CDKN1A: variants seen among roughly 807,000 people sequenced by gnomAD.
The protein encoded by CDKN1A is cyclin dependent kinase inhibitor 1A.
In CDKN1A, 14 loss-of-function variants were observed where a neutral mutation model predicts 14.8. The ratio of observed to expected loss-of-function variants is 0.94; its 90% CI spans 0.62 to 1.48. The LOEUF (loss-of-function observed/expected upper bound fraction) is 1.48, where lower values mean the gene tolerates loss of function less well. CDKN1A is among the 40% of genes most tolerant of loss of function. The probability of loss-of-function intolerance (pLI) is 0.00; values close to 1 mark genes in which losing one functional copy is unlikely to be tolerated. For synonymous variants in CDKN1A, 92 were observed against 93.5 expected, an observed-to-expected ratio of 0.98 and a Z score of 0.09; for missense variants, 203 against 231.7, an observed-to-expected ratio of 0.88 and a Z score of 0.80.
rs1443162665 is a variant in CDKN1A at position 36,684,170 on chromosome 6, C to T, written c.69C>T (p.Gly23=). Residue 23 remains glycine (G), a synonymous_variant, in exon 2 of 3, where the codon GGC becomes GGT. Transcript: ENST00000244741. This position sits in a 1 kb window ranked among gnomAD's most constrained non-coding sequence, Gnocchi z 6.0. ...GCAAGGCCTGCCGCCGCCTCTTCGG[C>T]CCAGTGGACAGCGAGCAGCTGAGCC... The part of the protein sequence containing the change: ...CGSKACRRLF[G]PVDSEQLSRD... 6.2e-7 allele frequency: 1 copy of T among 1,612,272 alleles called. No homozygotes were observed. The highest frequency in any genetic ancestry group is 8.5e-7 in the Non-Finnish European group (1 of 1,180,022).
Position 36,678,976 on chromosome 6 carries a change from G to T in CDKN1A, c.-6+178G>T. Reference sequence around the variant, plus strand: ...GCGTGGGTCGGTGCGCGCTCGGCTTGCGCACACGGTGTCTCTAAGTGCGCG... The same window carrying T: ...GCGTGGGTCGGTGCGCGCTCGGCTTTCGCACACGGTGTCTCTAAGTGCGCG... On this transcript the variant is annotated intron_variant, in intron 1 of 2. Coordinates refer to ENST00000244741, the MANE Select transcript of CDKN1A (RefSeq NM_000389.5). This position sits in a 1 kb window ranked among gnomAD's most constrained non-coding sequence, Gnocchi z 5.7. 2 of 980,638 alleles carry T rather than the reference G, an allele frequency of 2.0e-6. No homozygotes were observed. The highest frequency in any genetic ancestry group is 2.4e-6 in the Non-Finnish European group (2 of 828,088). 60.7% of individuals were successfully genotyped at this position (980,638 alleles called of 1,614,324 possible). A position where few individuals can be genotyped will look rare whatever the true frequency, so the allele number is the denominator to read the frequency against.
rs2089523108 is a variant in CDKN1A at position 36,680,042 on chromosome 6, G to T, written c.-6+1244G>T. On this transcript the variant is annotated intron_variant, in intron 1 of 2. Coordinates refer to ENST00000244741, the MANE Select transcript of CDKN1A (RefSeq NM_000389.5). ...GCGCGGACCACAGCGCGTCCTCTCC[G>T]TCCCAAACCCCTGGGGGACACTTGC... Among the ~76,000 whole-genome samples, 4 of 152,280 alleles carry T rather than the reference G, an allele frequency of 2.6e-5. 1 individual carries two copies. The South Asian group carries it at 8.3e-4, about 32-fold the overall frequency.
At chr6:36,681,328 CTTTCTT>C (rs1277359196) in intron 1 of CDKN1A, among the ~76,000 whole-genome samples, 21 of 100,976 alleles carry the variant, frequency 2.1e-4, no homozygotes, top group African/African-American at 5.9e-4. Context: ...TTCTTTCTTT[CTTTCTT>C]TTTCTTTCTT....
chr6:36,677,340 T>G (rs1761727926), upstream of CDKN1A, among the ~76,000 whole-genome samples: 1 of 152,162 alleles, frequency 6.6e-6, no homozygotes, highest in Non-Finnish European at 1.5e-5. Context: ...GGAAGAAGAC[T>G]GGGCATGTCT....
intron 1 of CDKN1A, among the ~76,000 whole-genome samples, chr6:36,681,363 T>TC (rs1393390506): frequency 2.0e-4 from 11 of 53,790 alleles, no homozygotes; most frequent in South Asian, 1.3e-3. Flanking sequence ...TTTCTTTCTT[T>TC]TCTTTCTTTC....
chr6:36,681,758 ATTT>A (rs559197520), intron 1 of CDKN1A, among the ~76,000 whole-genome samples: 1 of 149,872 alleles, frequency 6.7e-6, no homozygotes, highest in African/African-American at 2.5e-5. Flanking sequence ...TGCCCGGCTA[ATTT>A]TTTTTTGTAT....
intron 1 of CDKN1A, among the ~76,000 whole-genome samples, chr6:36,681,304 C>CTTTTTTTCTTTT (rs1348578356): frequency 1.6e-5 from 2 of 122,726 alleles, no homozygotes; most frequent in Non-Finnish European, 3.5e-5. Context: ...TTCTTTCTTT[C>CTTTTTTTCTTTT]TTTCTTTCTT....
chr6:36,683,630 G>A (rs1031858877), intron 1 of CDKN1A, among the ~76,000 whole-genome samples: 10 of 152,188 alleles, frequency 6.6e-5, no homozygotes, highest in Admixed American at 4.6e-4. Flanking sequence ...TGGGTCGGGG[G>A]ACTTAGGAGG....
In CDKN1A at chr6:36,684,468, T is replaced by A. The variant is rs373136985; in HGVS notation, c.367T>A (p.Ser123Thr). Residue 123 changes from serine (S) to threonine (T), a missense_variant, in exon 2 of 3, where the codon TCA becomes ACA. Ser to Thr is a moderately conservative substitution (Grantham distance 58, BLOSUM62 1). Coordinates refer to ENST00000244741, the MANE Select transcript of CDKN1A (RefSeq NM_000389.5). The surrounding 1 kb of genome is among the most constrained non-coding windows in gnomAD (Gnocchi z 6.0). ...LSLSCTLVPRSGEQAEGSPGG... is the reference protein window; with the variant it reads ...LSLSCTLVPRTGEQAEGSPGG... ...ACTGTCTTGTACCCTTGTGCCTCGC[T>A]CAGGGGAGCAGGCTGAAGGGTCCCC... 6.2e-7 allele frequency: 1 copy of A among 1,614,158 alleles called. No individual in the cohort carries two copies. The highest frequency in any genetic ancestry group is 8.5e-7 in the Non-Finnish European group (1 of 1,179,990).
chr6:36,684,063 C>T lies in CDKN1A; in HGVS notation c.-5-34C>T, dbSNP rs745975659. 8.7e-6 allele frequency: 14 copies of T among 1,604,384 alleles called. No individual in the cohort carries two copies. The highest frequency in any genetic ancestry group is 2.2e-5 in the South Asian group (2 of 90,272). The stretch of plus-strand genomic sequence containing the variant: ...AGGTAACATAGTGTCTAATCTCCGC[C>T]GTGACCAGGGCCTTCCTTGTATCTC... On this transcript the variant is annotated intron_variant, in intron 1 of 2. Coordinates refer to ENST00000244741, the MANE Select transcript of CDKN1A (RefSeq NM_000389.5). The surrounding 1 kb of genome is among the most constrained non-coding windows in gnomAD (Gnocchi z 6.0).
At position 36,678,891 on chromosome 6, in the gene CDKN1A, G is replaced by C; in HGVS notation, c.-6+93G>C. ...GCGTGTGTCCCTGCGTGTCCGCGAG[G>C]ATGCGTGTTCGCGGGTGTGTGCTGC... On this transcript the variant is annotated intron_variant, in intron 1 of 2. Coordinates refer to ENST00000244741, the MANE Select transcript of CDKN1A (RefSeq NM_000389.5). The surrounding 1 kb of genome is among the most constrained non-coding windows in gnomAD (Gnocchi z 5.7). 1 of 985,798 alleles carries C rather than the reference G, an allele frequency of 1.0e-6. No homozygotes were observed. The highest frequency in any genetic ancestry group is 1.2e-6 in the Non-Finnish European group (1 of 830,152). The allele number at this position is 985,798 out of a possible 1,614,324, so 61.1% of individuals were successfully genotyped here.
rs1275518074 is a variant in CDKN1A, at chr6:36,686,107, G to A, written c.*307G>A. Reference sequence around the variant, plus strand: ...CTCTCTCCCGGAGGTTGGGTGGGCCGGCTTCATGCCAGCTACTTCCTCCTC... The same window carrying A: ...CTCTCTCCCGGAGGTTGGGTGGGCCAGCTTCATGCCAGCTACTTCCTCCTC... On this transcript the variant is annotated 3_prime_UTR_variant, in exon 3 of 3. Transcript: ENST00000244741. This position sits in a 1 kb window ranked among gnomAD's most constrained non-coding sequence, Gnocchi z 4.9. The A allele has an allele frequency of 1.6e-5, 8 of 485,708 alleles. 1 individual carries two copies. The highest frequency in any genetic ancestry group is 6.9e-5 in the Admixed American group (2 of 28,972). 30.1% of individuals were successfully genotyped at this position (485,708 alleles called of 1,614,324 possible).
chr6:36,679,205 G>C (rs141423474), intron 1 of CDKN1A, among the ~76,000 whole-genome samples: 1 of 152,236 alleles, frequency 6.6e-6, no homozygotes, highest in African/African-American at 2.4e-5. Flanking sequence ...GATGAAGTCC[G>C]TGTCCCTGGA....
chr6:36,681,905 TTTTA>T (rs1762031619), intron 1 of CDKN1A, among the ~76,000 whole-genome samples: 1 of 151,932 alleles, frequency 6.6e-6, no homozygotes, highest in East Asian at 1.9e-4. Flanking sequence ...CCCAGCTAAT[TTTTA>T]TTTATTTTTA....
chr6:36,681,267 T>TCTTTCTCTCTTTCTTTC (rs1761936439), intron 1 of CDKN1A, among the ~76,000 whole-genome samples: 2 of 74,668 alleles, frequency 2.7e-5, no homozygotes, highest in East Asian at 4.2e-4. Context: ...TAGGTGCTTT[T>TCTTTCTCTCTTTCTTTC]CTTTCTTTCT....
chr6:36,681,711 G>A (rs1438391418), intron 1 of CDKN1A, among the ~76,000 whole-genome samples: 1 of 148,386 alleles, frequency 6.7e-6, no homozygotes, highest in Non-Finnish European at 1.5e-5. Flanking sequence ...TCCTGCCTCA[G>A]CCTCCCGAGT....
chr6:36,678,644 G>A, upstream of CDKN1A: 1 of 984,290 alleles, frequency 1.0e-6, no homozygotes, highest in Non-Finnish European at 1.2e-6. The surrounding 1 kb of genome is among the most constrained non-coding windows in gnomAD (Gnocchi z 5.7). Flanking sequence ...GCCGAGCGCG[G>A]GTCCCGCCTC....
upstream of CDKN1A, chr6:36,677,486 C>A: frequency 5.1e-6 from 1 of 196,056 alleles, no homozygotes. Context: ...AGCAAAACTG[C>A]AAATGTTTCA....
intron 1 of CDKN1A, among the ~76,000 whole-genome samples, chr6:36,681,272 CTTTCTTTTTT>C (rs1384750536): frequency 2.2e-5 from 2 of 89,802 alleles, no homozygotes; most frequent in Admixed American, 1.1e-4. Context: ...GCTTTTCTTT[CTTTCTTTTTT>C]TCTTTCTTTC....
Sources: gnomAD v4.1 joint callset for allele counts (sites outside exome capture counted in the v4.1 genomes callset) on GRCh38, gnomAD v4.1.1 for gene constraint, Gnocchi (gnomAD v3.1) non-coding constraint, MANE v1.5 for transcripts, NCBI Gene and HGNC (gene_info 2026-07-23, HGNC 2026-07-21) for gene names.